Variants in FGD4 observed in about 807,000 individuals in gnomAD.
FGD4 encodes FYVE, RhoGEF and PH domain-containing protein 4.
A neutral mutation model predicts 102.0 loss-of-function variants in FGD4; 42 were observed. The observed-to-expected ratio is 0.41, with a 90% confidence interval of 0.32 to 0.53. The LOEUF (loss-of-function observed/expected upper bound fraction) is 0.53, where lower values mean the gene tolerates loss of function less well. Ranked by LOEUF, FGD4 falls within the 20% of genes least tolerant of loss-of-function variation. FGD4 has a pLI of 0.21. For missense variants in FGD4, 902 were observed against 1,078.2 expected, an observed-to-expected ratio of 0.84 and a Z score of 2.29; for synonymous variants, 380 against 375.7, an observed-to-expected ratio of 1.01 and a Z score of -0.13.
chr12:32,461,790 G>A (rs569752413), intron 1 of FGD4, among the ~76,000 whole-genome samples: 32 of 152,204 alleles, frequency 2.1e-4, no homozygotes, highest in Non-Finnish European at 3.2e-4. Flanking sequence ...GCAGTGCCGC[G>A]ATCTCAGCTT....
At chr12:32,453,240 T>A (rs567608662) in intron 1 of FGD4, among the ~76,000 whole-genome samples, 4,690 of 86,906 alleles carry the variant, frequency 0.054, 323 homozygotes, top group African/African-American at 0.14. Flanking sequence ...TATATATATT[T>A]TTTTTTTTTT....
At chr12:32,401,664 G>C (rs1284024725) in intron 1 of FGD4, among the ~76,000 whole-genome samples, 2 of 151,888 alleles carry the variant, frequency 1.3e-5, no homozygotes, top group African/African-American at 4.8e-5. Flanking sequence ...AAGGGTAAAA[G>C]GGAGTTGTGG....
At chr12:32,518,619 A>G (rs1340741329) in intron 1 of FGD4, among the ~76,000 whole-genome samples, 2 of 152,200 alleles carry the variant, frequency 1.3e-5, no homozygotes, top group Admixed American at 1.3e-4. Context: ...AGACTGGACA[A>G]TGCAAGCTCA....
intron 1 of FGD4, among the ~76,000 whole-genome samples, chr12:32,553,040 C>T (rs1021196868): frequency 6.6e-6 from 1 of 150,600 alleles, no homozygotes. Context: ...GTGATCCACC[C>T]GCCTCGGCCT....
Position 32,554,624 on chromosome 12 carries a change from G to T in FGD4, c.167-9513G>T, listed in dbSNP as rs61926161. The stretch of plus-strand genomic sequence containing the variant: ...AGTAAGTAAATAATGTAGTTTGTTA[G>T]AAAGCCATAGGTGCTACAGAAAAAA... On this transcript the variant is annotated intron_variant, in intron 1 of 16. Coordinates refer to ENST00000534526, the MANE Select transcript of FGD4 (RefSeq NM_001370298.3). Among the ~76,000 whole-genome samples, 1,063 of 152,306 alleles carry T rather than the reference G, an allele frequency of 7.0e-3. 14 individuals are homozygous for T. Among genetic ancestry groups the T allele is most frequent in the South Asian group, 0.05 (242 of 4,828 alleles).
chr12:32,460,689 T>C (rs1203849705), intron 1 of FGD4, among the ~76,000 whole-genome samples: 1 of 152,114 alleles, frequency 6.6e-6, no homozygotes, highest in Admixed American at 6.5e-5. Flanking sequence ...AAAGAAAGAT[T>C]GGTCATTTGA....
intron 9 of FGD4, 96 bp downstream of exon 9, chr12:32,610,930 A>T (rs546199738): frequency 2.9e-6 from 4 of 1,372,460 alleles, no homozygotes; most frequent in Non-Finnish European, 4.1e-6. Context: ...GTGAATTGAA[A>T]TAGATGAGCC....
At chr12:32,448,880 G>C (rs1430958029) in intron 1 of FGD4, among the ~76,000 whole-genome samples, 2 of 152,138 alleles carry the variant, frequency 1.3e-5, no homozygotes, top group Admixed American at 1.3e-4. Context: ...AGACAGATTA[G>C]ACTGTTTCCA....
At chr12:32,563,624 C>T (rs577600609) in intron 1 of FGD4, among the ~76,000 whole-genome samples, 96 of 152,296 alleles carry the variant, frequency 6.3e-4, no homozygotes, top group African/African-American at 2.0e-3. Context: ...GCTGCAATCT[C>T]GGCACTTTGG....
At chr12:32,623,880 TA>T (rs763311277) in intron 11 of FGD4, among the ~76,000 whole-genome samples, 2 of 152,222 alleles carry the variant, frequency 1.3e-5, no homozygotes, top group Non-Finnish European at 2.9e-5. Context: ...TTAAAATTTT[TA>T]TATGCTTTTC....
chr12:32,600,292 C>G (rs1948291368), intron 5 of FGD4: 1 of 262,022 alleles, frequency 3.8e-6, no homozygotes, highest in African/African-American at 2.3e-5. Context: ...TTTCTAAAGC[C>G]AAATAACTCG....
chr12:32,554,207 A>G (rs1480397911), intron 1 of FGD4, among the ~76,000 whole-genome samples: 6 of 152,270 alleles, frequency 3.9e-5, no homozygotes, highest in Admixed American at 3.3e-4. Flanking sequence ...ATGCTTACCA[A>G]TCTGCTTCTG....
At chr12:32,434,073 C>G (rs1275934864) in intron 1 of FGD4, among the ~76,000 whole-genome samples, 1 of 152,018 alleles carries the variant, frequency 6.6e-6, no homozygotes, top group Non-Finnish European at 1.5e-5. Flanking sequence ...CCAGGATGGT[C>G]TTGATCTCCT....
rs144486434 is a variant in FGD4 at position 32,429,892 on chromosome 12, C to T, written c.166+29933C>T. On this transcript the variant is annotated intron_variant, in intron 1 of 16. Coordinates refer to ENST00000534526, the MANE Select transcript of FGD4 (RefSeq NM_001370298.3). ...CCTGCTTCTTACCATGTTTTATCAGCAAGGTCTTTGTGACCTGCATCTTGT... is the reference window on the plus strand; with the variant it reads ...CCTGCTTCTTACCATGTTTTATCAGTAAGGTCTTTGTGACCTGCATCTTGT... Among the ~76,000 whole-genome samples, 11 of 151,998 alleles carry T rather than the reference C, an allele frequency of 7.2e-5. No homozygotes were observed. In the East Asian group the frequency reaches 1.9e-3, roughly 27 times the overall value.
chr12:32,555,625 G>A (rs1944039357), intron 1 of FGD4, among the ~76,000 whole-genome samples: 1 of 140,700 alleles, frequency 7.1e-6, no homozygotes, highest in Admixed American at 7.4e-5. Context: ...AGGCTGAAGT[G>A]CAGTGGCGCC....
intron 4 of FGD4, among the ~76,000 whole-genome samples, chr12:32,583,504 C>G (rs1490484196): frequency 6.6e-6 from 1 of 152,060 alleles, no homozygotes; most frequent in African/African-American, 2.4e-5. Flanking sequence ...AGCAACACAT[C>G]ACAAACTTAA....
At position 32,642,647 on chromosome 12, in the gene FGD4, T is replaced by TA; in HGVS notation, c.*2115dup. 6.6e-6 allele frequency: 1 copy of TA among 152,102 alleles called. No homozygotes were observed. The highest frequency in any genetic ancestry group is 1.5e-5 in the Non-Finnish European group (1 of 67,948). The allele number at this position is 152,102 out of a possible 1,614,324, so 9.4% of individuals were successfully genotyped here. On this transcript the variant is annotated 3_prime_UTR_variant, in exon 17 of 17. Transcript: ENST00000534526. Reference sequence around the variant, plus strand: ...ATACTCATGTAAAGATAATGTTTATTATCATGCTCTTAACAGTCATTATCT... The same window carrying TA: ...ATACTCATGTAAAGATAATGTTTATTAATCATGCTCTTAACAGTCATTATCT...
At chr12:32,453,176 T>TTA (rs1367502999) in intron 1 of FGD4, among the ~76,000 whole-genome samples, 7 of 132,734 alleles carry the variant, frequency 5.3e-5, no homozygotes, top group African/African-American at 1.8e-4. Context: ...TATATCTATA[T>TTA]TATATATATA....
chr12:32,454,085 T>A (rs1942886345), intron 1 of FGD4, among the ~76,000 whole-genome samples: 1 of 152,120 alleles, frequency 6.6e-6, no homozygotes, highest in Non-Finnish European at 1.5e-5. Context: ...AAAAAAAGGT[T>A]TATTTCCTAA....
Sources: allele counts gnomAD v4.1 joint callset (sites outside exome capture counted in the v4.1 genomes callset), GRCh38; gene constraint gnomAD v4.1.1; transcripts MANE v1.5; gene names NCBI Gene and HGNC (gene_info 2026-07-23, HGNC 2026-07-21).